The following SYN2 variants were observed in gnomAD, a reference collection of about 807,000 sequenced individuals.
SYN2 encodes the protein synapsin II.
SYN2 carries 19 observed loss-of-function variants against 50.9 expected under a neutral mutation model. That is an observed-to-expected ratio of 0.37 (90% CI 0.26 to 0.55). SYN2 has a LOEUF of 0.55. Ranked by LOEUF, SYN2 falls within the 20% of genes least tolerant of loss-of-function variation. The probability of loss-of-function intolerance (pLI) is 0.81; values close to 1 mark genes in which losing one functional copy is unlikely to be tolerated. For missense variants in SYN2, 587 were observed against 576.4 expected (o/e 1.02, Z -0.19); for synonymous variants, 255 against 224.9 (o/e 1.13, Z -1.20).
intron 1 of SYN2, among the ~76,000 whole-genome samples, chr3:12,057,321 G>A (rs957321424): frequency 6.7e-6 from 1 of 149,982 alleles, no homozygotes; most frequent in African/African-American, 2.4e-5. Flanking sequence ...GTGTGTGTGT[G>A]TGTATACTTT....
rs984202285 is a variant in SYN2 at position 12,191,626 on chromosome 3, G to A, written c.*1001G>A. On this transcript the variant is annotated 3_prime_UTR_variant, in exon 13 of 13. Coordinates refer to ENST00000621198, the MANE Select transcript of SYN2 (RefSeq NM_133625.6). ...TTACATACCACTTCTGGGCCTCCTC[G>A]CACCTCCCCAGTGAATCTGTCTCCT... 6.6e-5 allele frequency among the ~76,000 whole-genome samples: 10 copies of A among 152,156 alleles called. No homozygotes were observed. The highest frequency in any genetic ancestry group is 2.2e-4 in the African/African-American group (9 of 41,506).
intron 1 of SYN2, among the ~76,000 whole-genome samples, chr3:12,129,820 A>G (rs1478200376): frequency 6.6e-6 from 1 of 152,052 alleles, no homozygotes; most frequent in Non-Finnish European, 1.5e-5. Context: ...CCAAATTTAT[A>G]TGTTGAAGCC....
At chr3:12,168,599 T>A in intron 9 of SYN2, 121 bp downstream of exon 9, 2 of 835,720 alleles carry the variant, frequency 2.4e-6, no homozygotes, top group Non-Finnish European at 3.9e-6. Flanking sequence ...GATCAGTGGG[T>A]AGCTATTGTT....
chr3:12,020,984 A>G (rs1034208438), intron 1 of SYN2, among the ~76,000 whole-genome samples: 4 of 152,210 alleles, frequency 2.6e-5, no homozygotes, highest in Admixed American at 6.5e-5. Flanking sequence ...CATTTTTTGT[A>G]TTCTCTTCTA....
intron 7 of SYN2, among the ~76,000 whole-genome samples, chr3:12,165,917 A>G (rs1697776744): frequency 1.3e-5 from 2 of 151,580 alleles, no homozygotes; most frequent in Non-Finnish European, 2.9e-5. Context: ...CTGGACTTTT[A>G]TCTCATACCT....
chr3:12,180,847 C>G (rs1045432812), intron 10 of SYN2, among the ~76,000 whole-genome samples: 8 of 152,192 alleles, frequency 5.3e-5, no homozygotes, highest in African/African-American at 1.9e-4. Flanking sequence ...AAAGACAAGG[C>G]CAGCCTACAT....
At chr3:12,035,116 C>T (rs1313778129) in intron 1 of SYN2, among the ~76,000 whole-genome samples, 1 of 152,200 alleles carries the variant, frequency 6.6e-6, no homozygotes, top group East Asian at 1.9e-4. Flanking sequence ...AAAGGGGTGA[C>T]AGGTCCCAAG....
intron 10 of SYN2, among the ~76,000 whole-genome samples, chr3:12,177,510 G>A (rs890405212): frequency 1.3e-5 from 2 of 152,168 alleles, no homozygotes; most frequent in African/African-American, 4.8e-5. Flanking sequence ...CTAAAGGGCT[G>A]TCCAGTTAGG....
intron 1 of SYN2, chr3:12,071,349 C>G: frequency 3.5e-6 from 2 of 569,702 alleles, no homozygotes; most frequent in Non-Finnish European, 7.0e-6. Flanking sequence ...CATCGTCCAC[C>G]GCAAATGCTT....
intron 11 of SYN2, chr3:12,184,135 A>G: frequency 1.0e-6 from 1 of 985,934 alleles, no homozygotes; most frequent in South Asian, 4.7e-5. Context: ...TACAAAGAAC[A>G]AGCTATTTCC....
chr3:12,014,052 TGA>T (rs1194790149), intron 1 of SYN2, among the ~76,000 whole-genome samples: 1 of 152,178 alleles, frequency 6.6e-6, no homozygotes, highest in Non-Finnish European at 1.5e-5. Flanking sequence ...TAGATTGTAT[TGA>T]GCGTCTATGC....
intron 5 of SYN2, among the ~76,000 whole-genome samples, chr3:12,160,644 C>T (rs1248880141): frequency 1.3e-5 from 2 of 152,198 alleles, no homozygotes; most frequent in Admixed American, 1.3e-4. Flanking sequence ...CAGAAAGCAT[C>T]CCATCTGATC....
At chr3:12,045,830 C>A (rs941768960) in intron 1 of SYN2, among the ~76,000 whole-genome samples, 2 of 152,086 alleles carry the variant, frequency 1.3e-5, no homozygotes, top group African/African-American at 4.8e-5. Flanking sequence ...GAATTTGAAT[C>A]TGGCGGAGTT....
intron 1 of SYN2, among the ~76,000 whole-genome samples, chr3:12,050,528 T>C (rs1410672974): frequency 6.6e-6 from 1 of 151,176 alleles, no homozygotes; most frequent in Non-Finnish European, 1.5e-5. Flanking sequence ...GTATTATTAG[T>C]AGACATGGGG....
At chr3:12,062,299 A>T (rs1195153691) in intron 1 of SYN2, among the ~76,000 whole-genome samples, 1 of 152,014 alleles carries the variant, frequency 6.6e-6, no homozygotes, top group Non-Finnish European at 1.5e-5. Context: ...ACAAATTTAC[A>T]TTCATATGCA....
intron 1 of SYN2, among the ~76,000 whole-genome samples, chr3:12,061,498 A>T (rs184382455): frequency 6.6e-6 from 1 of 152,132 alleles, no homozygotes; most frequent in Non-Finnish European, 1.5e-5. Flanking sequence ...TGAGGTAAAG[A>T]TGTCTTCTGT....
At chr3:12,174,173 GTC>G (rs1318176577) in intron 10 of SYN2, among the ~76,000 whole-genome samples, 3 of 151,966 alleles carry the variant, frequency 2.0e-5, no homozygotes, top group Non-Finnish European at 4.4e-5. Flanking sequence ...TTTGTTGGTG[GTC>G]TTGGCCAGCC....
chr3:12,152,377 G>A (rs1473369272), intron 5 of SYN2, among the ~76,000 whole-genome samples: 1 of 152,204 alleles, frequency 6.6e-6, no homozygotes, highest in Non-Finnish European at 1.5e-5. Context: ...AAGCCAGGAA[G>A]CCTTGCAGAG....
In SYN2 at chr3:12,078,099, G is replaced by A. The variant is rs927634278; in HGVS notation, c.378-62552G>A. ...TGTTGAGCTTTTTTTCATGTTTGCT[G>A]GCCGTATGAATGTCTTCTTTTGAGA... On this transcript the variant is annotated intron_variant, in intron 1 of 12. Coordinates refer to ENST00000621198, the MANE Select transcript of SYN2 (RefSeq NM_133625.6). Among the ~76,000 whole-genome samples the A allele has an allele frequency of 8.6e-5, 13 of 151,874 alleles. 2 individuals carry two copies. In the South Asian group the frequency reaches 2.7e-3, roughly 32 times the overall value.
Sources: gnomAD v4.1 joint callset for allele counts (sites outside exome capture counted in the v4.1 genomes callset) on GRCh38, gnomAD v4.1.1 for gene constraint, MANE v1.5 for transcripts, NCBI Gene and HGNC (gene_info 2026-07-23, HGNC 2026-07-21) for gene names.